Variants in CLCN3 observed in about 807,000 individuals in gnomAD.
The protein encoded by CLCN3 is H(+)/Cl(-) exchange transporter 3.
CLCN3 carries 16 observed loss-of-function variants against 83.4 expected under a neutral mutation model. The ratio of observed to expected loss-of-function variants is 0.19; its 90% confidence interval spans 0.13 to 0.29. The LOEUF (loss-of-function observed/expected upper bound fraction) is 0.29. CLCN3 is among the 10% of genes least tolerant of loss of function. The probability of loss-of-function intolerance (pLI) is 1.00; values close to 1 mark genes in which losing one functional copy is unlikely to be tolerated. For synonymous variants in CLCN3, 322 were observed against 346.2 expected (o/e 0.93, Z 0.78); for missense variants, 544 against 1,006.0 (o/e 0.54, Z 6.21).
At chr4:169,701,851 T>A (rs1011560563) in intron 9 of CLCN3, among the ~76,000 whole-genome samples, 1 of 152,174 alleles carries the variant, frequency 6.6e-6, no homozygotes, top group African/African-American at 2.4e-5. Context: ...TGCATCCCTA[T>A]TCCATTGATT....
At chr4:169,665,836 CTT>C (rs1427434524) in intron 2 of CLCN3, among the ~76,000 whole-genome samples, 2 of 152,078 alleles carry the variant, frequency 1.3e-5, no homozygotes, top group Non-Finnish European at 2.9e-5. Context: ...ATAAGTAACT[CTT>C]TTTAAATAAC....
At chr4:169,660,405 C>T (rs1303975627) in intron 2 of CLCN3, 5 of 1,403,070 alleles carry the variant, frequency 3.6e-6, no homozygotes, top group Admixed American at 3.3e-5. Flanking sequence ...TGCCTTATGA[C>T]GGGGGAGGAG....
At chr4:169,679,350 G>T (rs1200067638) in intron 2 of CLCN3, among the ~76,000 whole-genome samples, 1 of 149,780 alleles carries the variant, frequency 6.7e-6, no homozygotes, top group Non-Finnish European at 1.5e-5. Context: ...GGGAAGAGGC[G>T]CTCCTCACTT....
intron 1 of CLCN3, among the ~76,000 whole-genome samples, chr4:169,633,576 C>G (rs965369123): frequency 4.6e-5 from 7 of 152,082 alleles, no homozygotes; most frequent in Non-Finnish European, 7.4e-5. Context: ...CTTTATGCTA[C>G]TATAGAAATT....
Position 169,719,802 on chromosome 4 carries a change from T to G in CLCN3, c.2367-105T>G, listed in dbSNP as rs1040131345. ...TTTTGGAAATACAAAATCAGGCTGC[T>G]TGCTTTGCTCTATTCCTGTCAACAA... On this transcript the variant is annotated intron_variant, in intron 12 of 12. Transcript: ENST00000513761. 16 of 801,796 alleles carry G rather than the reference T, an allele frequency of 2.0e-5. No individual in the cohort carries two copies. In the African/African-American group the frequency reaches 2.8e-4, roughly 14 times the overall value. The allele number at this position is 801,796 out of a possible 1,614,324, so 49.7% of individuals were successfully genotyped here. A position where few individuals can be genotyped will look rare whatever the true frequency, so the allele number is the denominator to read the frequency against.
intron 4 of CLCN3, 122 bp downstream of exon 4, chr4:169,687,879 C>CA: frequency 3.7e-6 from 2 of 536,444 alleles, no homozygotes; most frequent in Admixed American, 7.3e-5. Context: ...TTCTCTTCTT[C>CA]AAAAAATCTC....
At chr4:169,636,210 C>A in intron 2 of CLCN3, 122 bp downstream of exon 2, 2 of 850,680 alleles carry the variant, frequency 2.4e-6, no homozygotes, top group South Asian at 1.8e-5. Flanking sequence ...ATTTACATAA[C>A]ATAAACTTAA....
chr4:169,663,389 CA>C, intron 2 of CLCN3: 1 of 173,818 alleles, frequency 5.8e-6, no homozygotes, highest in East Asian at 1.9e-4. Flanking sequence ...GGCTGGAGTG[CA>C]GTGGAGTGAT....
intron 1 of CLCN3, among the ~76,000 whole-genome samples, chr4:169,634,505 C>T (rs1254549727): frequency 1.3e-5 from 2 of 152,174 alleles, no homozygotes; most frequent in Non-Finnish European, 2.9e-5. Flanking sequence ...TTAGTATGAA[C>T]AACTACTTTC....
At chr4:169,631,568 G>A (rs1006821950) in intron 1 of CLCN3, among the ~76,000 whole-genome samples, 1 of 152,186 alleles carries the variant, frequency 6.6e-6, no homozygotes, top group African/African-American at 2.4e-5. Flanking sequence ...GGTTACAGGC[G>A]TGAGCCACCG....
intron 6 of CLCN3, among the ~76,000 whole-genome samples, chr4:169,691,839 G>T (rs1200747675): frequency 6.6e-6 from 1 of 151,866 alleles, no homozygotes; most frequent in Non-Finnish European, 1.5e-5. Flanking sequence ...TTATAATTAA[G>T]GTCTGTATTC....
rs1731252647 is a variant in CLCN3, at chr4:169,666,568, G to A, written c.161-13482G>A. ...ACCAAAGGCAAAGAGGGATGGTGAT[G>A]GTGAAGGGTAAGATTGTATTTATTG... On this transcript the variant is annotated intron_variant, in intron 2 of 12. Coordinates refer to ENST00000513761, the MANE Select transcript of CLCN3 (RefSeq NM_001829.4). 2.0e-5 allele frequency among the ~76,000 whole-genome samples: 3 copies of A among 152,322 alleles called. No individual in the cohort carries two copies. In the South Asian group the frequency reaches 6.2e-4, roughly 32 times the overall value.
intron 1 of CLCN3, among the ~76,000 whole-genome samples, chr4:169,626,656 G>A (rs112531172): frequency 0.011 from 1,727 of 152,246 alleles, 33 homozygotes; most frequent in African/African-American, 0.04. Context: ...TGTTTTCTGA[G>A]GTTTAATGTG....
chr4:169,638,315 T>A (rs1345357752), intron 2 of CLCN3, among the ~76,000 whole-genome samples: 4 of 152,210 alleles, frequency 2.6e-5, no homozygotes, highest in Non-Finnish European at 4.4e-5. Context: ...CCTTACCATT[T>A]TCTCACCAGG....
At chr4:169,634,881 T>G (rs923703555) in intron 1 of CLCN3, among the ~76,000 whole-genome samples, 1 of 152,148 alleles carries the variant, frequency 6.6e-6, no homozygotes, top group African/African-American at 2.4e-5. Flanking sequence ...GTTAGGAAAT[T>G]TATATAATCT....
intron 12 of CLCN3, among the ~76,000 whole-genome samples, chr4:169,714,558 C>T (rs1312593295): frequency 5.3e-5 from 8 of 152,126 alleles, no homozygotes; most frequent in Non-Finnish European, 2.9e-5. Context: ...GTCTTTCCTA[C>T]TTTAAAACCC....
chr4:169,668,929 G>A (rs1372997906), intron 2 of CLCN3, among the ~76,000 whole-genome samples: 8 of 152,068 alleles, frequency 5.3e-5, no homozygotes, highest in Admixed American at 5.2e-4. Context: ...AGTTTGATTG[G>A]TCTAACTTGG....
chr4:169,668,103 G>A (rs1266946499), intron 2 of CLCN3, among the ~76,000 whole-genome samples: 5 of 143,102 alleles, frequency 3.5e-5, no homozygotes, highest in Admixed American at 7.3e-5. Context: ...TTGGTTAAGC[G>A]ATATTATAAC....
intron 11 of CLCN3, among the ~76,000 whole-genome samples, chr4:169,712,141 G>A (rs779882675): frequency 2.7e-5 from 4 of 150,828 alleles, no homozygotes; most frequent in African/African-American, 4.9e-5. Flanking sequence ...AGGATTACAA[G>A]CCTGAGCCAC....
Sources: allele counts gnomAD v4.1 joint callset (sites outside exome capture counted in the v4.1 genomes callset), GRCh38; gene constraint gnomAD v4.1.1; transcripts MANE v1.5; gene names NCBI Gene and HGNC (gene_info 2026-07-23, HGNC 2026-07-21).